IGF2R: variants seen among roughly 807,000 people sequenced by gnomAD.
The protein encoded by IGF2R is insulin like growth factor 2 receptor, also known as cation-independent mannose-6-phosphate receptor.
In IGF2R, 91 loss-of-function variants were observed where a neutral mutation model predicts 270.6. The ratio of observed to expected loss-of-function variants is 0.34; its 90% confidence interval spans 0.28 to 0.40. The LOEUF (loss-of-function observed/expected upper bound fraction) is 0.40. IGF2R is among the 10% of genes least tolerant of loss of function. The pLI, the probability that IGF2R is intolerant of heterozygous loss-of-function variation, is 1.00. For missense variants in IGF2R, 2,805 were observed against 3,188.3 expected (o/e 0.88, Z 2.90); for synonymous variants, 1,316 against 1,258.9 (o/e 1.05, Z -0.96).
intron 39 of IGF2R, among the ~76,000 whole-genome samples, chr6:160,082,814 T>G (rs184885970): frequency 6.6e-6 from 1 of 152,196 alleles, no homozygotes; most frequent in Non-Finnish European, 1.5e-5. Flanking sequence ...AGATGGCGGA[T>G]GGAGTCTGCA....
In IGF2R at chr6:160,107,937, A is replaced by G. The variant is rs767380146; in HGVS notation, c.*2853A>G. The stretch of plus-strand genomic sequence containing the variant: ...CATTCCTACAAACAAGGACCTTCAC[A>G]CGACTAAGATGCCACCTGGTGATTA... On this transcript the variant is annotated 3_prime_UTR_variant, in exon 48 of 48. Transcript: ENST00000356956. 1 of 152,238 alleles carries G rather than the reference A, an allele frequency of 6.6e-6. No individual in the cohort carries two copies. The highest frequency in any genetic ancestry group is 2.4e-5 in the African/African-American group (1 of 41,448). The allele number at this position is 152,238 out of a possible 1,614,324, so 9.4% of individuals were successfully genotyped here.
rs1455975088 is a variant in IGF2R at position 160,111,334 on chromosome 6, TTCC to T, written c.*6265_*6267del. ...TGGCACAGCAAGACCAACCCCCCACTTCCTCCTCCTCCTCCTCAGCCTACTCAG... is the reference window on the plus strand; with the variant it reads ...TGGCACAGCAAGACCAACCCCCCACTTCCTCCTCCTCCTCAGCCTACTCAG... On this transcript the variant is annotated 3_prime_UTR_variant, in exon 48 of 48. Transcript: ENST00000356956. The T allele has an allele frequency of 4.6e-5, 7 of 151,784 alleles. No individual in the cohort carries two copies. Among genetic ancestry groups the T allele is most frequent in the South Asian group, 4.1e-4 (2 of 4,930 alleles). The allele number at this position is 151,784 out of a possible 1,614,324, so 9.4% of individuals were successfully genotyped here.
chr6:160,032,176 C>G (rs2115232522), intron 7 of IGF2R, among the ~76,000 whole-genome samples: 1 of 152,318 alleles, frequency 6.6e-6, no homozygotes, highest in Admixed American at 6.5e-5. Context: ...ATGCACCCTG[C>G]ACGGCCTGTT....
chr6:159,980,825 C>T (rs958628975), intron 1 of IGF2R, among the ~76,000 whole-genome samples: 4 of 152,160 alleles, frequency 2.6e-5, no homozygotes, highest in African/African-American at 9.7e-5. Flanking sequence ...GCTGGATTGT[C>T]CTTAAAGGCG....
At chr6:160,064,632 T>G in intron 28 of IGF2R, 101 bp downstream of exon 28, 1 of 1,351,690 alleles carries the variant, frequency 7.4e-7, no homozygotes, top group Non-Finnish European at 1.0e-6. Context: ...TCAAATCTCC[T>G]GGTTAACTGA....
intron 4 of IGF2R, 52 bp downstream of exon 4, chr6:160,010,837 T>C: frequency 1.8e-6 from 2 of 1,090,826 alleles, no homozygotes; most frequent in Non-Finnish European, 2.8e-6. Context: ...CTGGGGAACT[T>C]TATCTTTCAA....
Position 160,050,369 on chromosome 6 carries a change from A to C in IGF2R, c.2515-104A>C. On this transcript the variant is annotated intron_variant, in intron 18 of 47. Transcript: ENST00000356956. This position sits in a 1 kb window ranked among gnomAD's most constrained non-coding sequence, Gnocchi z 4.0. ...CCCCAGGAGCAGTGGTTCTGTATTC[A>C]ATAATTCATTGTTTGCTGCAGCTTT... 1 of 1,158,354 alleles carries C rather than the reference A, an allele frequency of 8.6e-7. No homozygotes were observed. The highest frequency in any genetic ancestry group is 2.4e-5 in the East Asian group (1 of 41,880). 71.8% of individuals were successfully genotyped at this position (1,158,354 alleles called of 1,614,324 possible). A position where few individuals can be genotyped will look rare whatever the true frequency, so the allele number is the denominator to read the frequency against.
chr6:159,987,430 T>C (rs1446003545), intron 1 of IGF2R, among the ~76,000 whole-genome samples: 1 of 152,180 alleles, frequency 6.6e-6, no homozygotes, highest in African/African-American at 2.4e-5. Context: ...CTCGCTGTGT[T>C]GCCCAGGCTG....
Position 160,061,650 on chromosome 6 carries a change from A to G in IGF2R, c.3406+4A>G. The G allele has an allele frequency of 6.2e-7, 1 of 1,614,118 alleles. No homozygotes were observed. ...CCTTACATTCCTGGATGCCAGGGTGAGTTCTCCTTGGTCTCTTGATTGGCG... is the reference window on the plus strand; with the variant it reads ...CCTTACATTCCTGGATGCCAGGGTGGGTTCTCCTTGGTCTCTTGATTGGCG... On this transcript the variant is annotated splice_donor_region_variant and intron_variant, in intron 24 of 47. Transcript: ENST00000356956.
chr6:160,065,149 C>A (rs971553895), intron 29 of IGF2R, among the ~76,000 whole-genome samples: 1 of 152,176 alleles, frequency 6.6e-6, no homozygotes, highest in African/African-American at 2.4e-5. Flanking sequence ...GGCACTCTTG[C>A]GTGATCCACA....
chr6:160,044,690 G>A, intron 13 of IGF2R, 33 bp downstream of exon 13: 1 of 1,570,696 alleles, frequency 6.4e-7, no homozygotes, highest in Non-Finnish European at 8.7e-7. Flanking sequence ...AATCTTTTCT[G>A]GCTTCTGCCA....
At position 159,998,578 on chromosome 6, in the gene IGF2R, G is replaced by A. The variant is rs1252182949; in HGVS notation, c.289+7255G>A. Among the ~76,000 whole-genome samples the A allele has an allele frequency of 2.0e-5, 3 of 152,172 alleles. No homozygotes were observed. The highest frequency in any genetic ancestry group is 4.4e-5 in the Non-Finnish European group (3 of 68,030). ...CCAAAGATAACTAGATGACTAAAAA[G>A]TAACTTACAGGTTAAGATGATGATG... On this transcript the variant is annotated intron_variant, in intron 2 of 47. Coordinates refer to ENST00000356956, the MANE Select transcript of IGF2R (RefSeq NM_000876.4). This position sits in a 1 kb window ranked among gnomAD's most constrained non-coding sequence, Gnocchi z 4.1.
intron 7 of IGF2R, among the ~76,000 whole-genome samples, chr6:160,030,164 C>T (rs1053282046): frequency 1.2e-4 from 18 of 152,134 alleles, no homozygotes; most frequent in African/African-American, 3.9e-4. Flanking sequence ...AAATCTCCAG[C>T]GCAGCTGTAA....
intron 19 of IGF2R, 125 bp from the exon 20 acceptor site, chr6:160,056,299 A>G: frequency 1.5e-6 from 1 of 687,086 alleles, no homozygotes; most frequent in Non-Finnish European, 2.7e-6. Context: ...TGCCTAGCTT[A>G]TTGGCTGACT....
At chr6:160,012,767 T>A (rs201770751) in intron 4 of IGF2R, among the ~76,000 whole-genome samples, 17,868 of 62,554 alleles carry the variant, frequency 0.29, 2,035 homozygotes, top group East Asian at 0.64. Context: ...ATATATATTT[T>A]TTTTTTTTTT....
At position 160,085,180 on chromosome 6, in the gene IGF2R, C is replaced by T. The variant is rs187326045; in HGVS notation, c.6205+49C>T. On this transcript the variant is annotated intron_variant, in intron 41 of 47. Coordinates refer to ENST00000356956, the MANE Select transcript of IGF2R (RefSeq NM_000876.4). Reference sequence around the variant, plus strand: ...TTGGTTCAAGGAGCAGCATCTGAACCGGGAAGGTGAGGGTGTTCTCAGGAT... The same window carrying T: ...TTGGTTCAAGGAGCAGCATCTGAACTGGGAAGGTGAGGGTGTTCTCAGGAT... 2.8e-5 allele frequency: 44 copies of T among 1,590,590 alleles called. 1 individual carries two copies. The highest frequency in any genetic ancestry group is 2.1e-4 in the Admixed American group (12 of 58,330).
chr6:160,067,454 T>G (rs192856585), intron 29 of IGF2R, among the ~76,000 whole-genome samples: 1 of 152,202 alleles, frequency 6.6e-6, no homozygotes, highest in Non-Finnish European at 1.5e-5. Flanking sequence ...AAAAGTCTTA[T>G]CTTGTTCACG....
chr6:160,087,931 T>C, intron 41 of IGF2R, 102 bp from the exon 42 acceptor site: 1 of 721,848 alleles, frequency 1.4e-6, no homozygotes, highest in African/African-American at 1.7e-5. Context: ...CCTCTTTGGT[T>C]TCCCAAAGTG....
chr6:160,008,563 G>A (rs1479616376), intron 2 of IGF2R, among the ~76,000 whole-genome samples: 2 of 152,144 alleles, frequency 1.3e-5, no homozygotes, highest in African/African-American at 2.4e-5. Context: ...CATATGTGAT[G>A]GGAAGTATTG....
Sources: gnomAD v4.1 joint callset for allele counts (sites outside exome capture counted in the v4.1 genomes callset) on GRCh38, gnomAD v4.1.1 for gene constraint, Gnocchi (gnomAD v3.1) non-coding constraint, MANE v1.5 for transcripts, NCBI Gene and HGNC (gene_info 2026-07-23, HGNC 2026-07-21) for gene names.